TNFRSF8: variants seen among roughly 807,000 people sequenced by gnomAD.
The protein encoded by TNFRSF8 is TNF receptor superfamily member 8.
TNFRSF8 carries 26 observed loss-of-function variants against 70.8 expected under a neutral mutation model. The observed-to-expected ratio is 0.37, with a 90% CI of 0.27 to 0.51. The LOEUF (loss-of-function observed/expected upper bound fraction) is 0.51, where lower values mean the gene tolerates loss of function less well. Ranked by LOEUF, TNFRSF8 falls within the 20% of genes least tolerant of loss-of-function variation. The probability of loss-of-function intolerance (pLI) is 0.94; values close to 1 mark genes in which losing one functional copy is unlikely to be tolerated. For missense variants in TNFRSF8, 720 were observed against 807.9 expected (o/e 0.89, Z 1.32); for synonymous variants, 356 against 339.2 (o/e 1.05, Z -0.54).
intron 14 of TNFRSF8, among the ~76,000 whole-genome samples, chr1:12,140,407 CA>C: frequency 6.6e-6 from 1 of 152,314 alleles, no homozygotes; most frequent in South Asian, 2.1e-4. Context: ...GGGAACCAGG[CA>C]AGGGAAGAAC....
chr1:12,079,049 C>T (rs931781365), intron 1 of TNFRSF8, among the ~76,000 whole-genome samples: 2 of 152,182 alleles, frequency 1.3e-5, no homozygotes, highest in Non-Finnish European at 2.9e-5. Context: ...GTGCTTACCT[C>T]GCTGGCCCTG....
chr1:12,063,537 G>A lies in TNFRSF8; in HGVS notation c.-62G>A. ...CGCCGGGACCGCACGTGGGCGCCGC[G>A]CGCTTCCCCCGCTTCCCAGGTGGGC... On this transcript the variant is annotated 5_prime_UTR_variant, in exon 1 of 15. Transcript: ENST00000263932. The surrounding 1 kb of genome is among the most constrained non-coding windows in gnomAD (Gnocchi z 7.2). 2 of 1,283,880 alleles carry A rather than the reference G, an allele frequency of 1.6e-6. No homozygotes were observed. The highest frequency in any genetic ancestry group is 2.3e-5 in the South Asian group (1 of 42,756). 79.5% of individuals were successfully genotyped at this position (1,283,880 alleles called of 1,614,324 possible). A position where few individuals can be genotyped will look rare whatever the true frequency, so the allele number is the denominator to read the frequency against.
chr1:12,133,603 G>A (rs1642091511), intron 12 of TNFRSF8, among the ~76,000 whole-genome samples: 1 of 151,770 alleles, frequency 6.6e-6, no homozygotes, highest in Non-Finnish European at 1.5e-5. Context: ...AGCTGAGCAT[G>A]GTGGTGCGTG....
Position 12,110,244 on chromosome 1 carries a change from G to C in TNFRSF8, c.676+40G>C. The C allele has an allele frequency of 6.5e-7, 1 of 1,530,818 alleles. No homozygotes were observed. The allele number at this position is 1,530,818 out of a possible 1,614,324, so 94.8% of individuals were successfully genotyped here. ...AAGCTGTGGGTCGTCTCCCTGGGGT[G>C]CTCGATTGGTGGATGGCCCATGAGT... On this transcript the variant is annotated intron_variant, in intron 6 of 14. Coordinates refer to ENST00000263932, the MANE Select transcript of TNFRSF8 (RefSeq NM_001243.5). The surrounding 1 kb of genome is among the most constrained non-coding windows in gnomAD (Gnocchi z 4.0).
At chr1:12,124,882 C>A (rs558423801) in intron 10 of TNFRSF8, among the ~76,000 whole-genome samples, 14 of 127,944 alleles carry the variant, frequency 1.1e-4, no homozygotes, top group East Asian at 4.4e-4. Context: ...ACAAAACAAA[C>A]AAAACCCCCA....
In TNFRSF8 at chr1:12,088,813, T is replaced by G. The variant is rs904524291; in HGVS notation, c.151+4262T>G. Among the ~76,000 whole-genome samples the G allele has an allele frequency of 2.6e-5, 4 of 152,228 alleles. No individual in the cohort carries two copies. The highest frequency in any genetic ancestry group is 5.9e-5 in the Non-Finnish European group (4 of 68,040). On this transcript the variant is annotated intron_variant, in intron 2 of 14. Coordinates refer to ENST00000263932, the MANE Select transcript of TNFRSF8 (RefSeq NM_001243.5). This position sits in a 1 kb window ranked among gnomAD's most constrained non-coding sequence, Gnocchi z 4.0. ...GGGTTCCCCCAGCTTCCGCTGCCCT[T>G]GGGTAAAGCTCAGCTTTGTGCATGG...
At position 12,138,480 on chromosome 1, in the gene TNFRSF8, G is replaced by T; in HGVS notation, c.1543+44G>T. 1 of 1,559,692 alleles carries T rather than the reference G, an allele frequency of 6.4e-7. No homozygotes were observed. Among genetic ancestry groups the T allele is most frequent in the South Asian group, 1.2e-5 (1 of 85,238 alleles). On this transcript the variant is annotated intron_variant, in intron 14 of 14. Transcript: ENST00000263932. This position sits in a 1 kb window ranked among gnomAD's most constrained non-coding sequence, Gnocchi z 5.7. ...GGAGGTCCCCTGCAGCCCAGGGGCAGATGGGAGATGAATACGGGGCCCTGG... is the reference window on the plus strand; with the variant it reads ...GGAGGTCCCCTGCAGCCCAGGGGCATATGGGAGATGAATACGGGGCCCTGG...
Position 12,142,397 on chromosome 1 carries a change from C to T in TNFRSF8, c.1654C>T (p.Leu552=), listed in dbSNP as rs373121136. The T allele has an allele frequency of 6.2e-7, 1 of 1,612,482 alleles. No homozygotes were observed. The highest frequency in any genetic ancestry group is 1.1e-5 in the South Asian group (1 of 90,844). ...AGCAGAGCCCGAGTTGGAGGAGGAG[C>T]TGGAGGCGGACCATACCCCCCACTA... The part of the protein sequence containing the change: ...GPAEPELEEE[L]EADHTPHYPE... The change falls in exon 15 of 15, where the codon CTG becomes TTG. Residue 552 remains leucine, a synonymous_variant. Coordinates refer to ENST00000263932, the MANE Select transcript of TNFRSF8 (RefSeq NM_001243.5). This position sits in a 1 kb window ranked among gnomAD's most constrained non-coding sequence, Gnocchi z 5.0.
intron 2 of TNFRSF8, 148 bp downstream of exon 2, chr1:12,084,699 G>A (rs1179967870): frequency 8.1e-6 from 6 of 736,544 alleles, no homozygotes; most frequent in African/African-American, 3.5e-5. Context: ...CTAGTGTCGC[G>A]GAGTCCAAGG....
At chr1:12,073,588 T>G (rs962719460) in intron 1 of TNFRSF8, among the ~76,000 whole-genome samples, 2 of 149,622 alleles carry the variant, frequency 1.3e-5, no homozygotes, top group African/African-American at 5.0e-5. Flanking sequence ...CCCTTTTTCT[T>G]TTTCTTTTTT....
At chr1:12,071,666 T>G (rs1640849300) in intron 1 of TNFRSF8, among the ~76,000 whole-genome samples, 2 of 151,536 alleles carry the variant, frequency 1.3e-5, no homozygotes, top group Admixed American at 1.3e-4. Flanking sequence ...TGGGTTCAAG[T>G]GATTCTCCTG....
rs1258260697 is a variant in TNFRSF8 at position 12,113,546 on chromosome 1, TGA to T, written c.793+1541_793+1542del. Among the ~76,000 whole-genome samples, 2 of 111,904 alleles carry T rather than the reference TGA, an allele frequency of 1.8e-5. No homozygotes were observed. Among genetic ancestry groups the T allele is most frequent in the Non-Finnish European group, 3.8e-5 (2 of 52,118 alleles). 73.4% of individuals were successfully genotyped at this position (111,904 alleles called of 152,430 possible). A position where few individuals can be genotyped will look rare whatever the true frequency, so the allele number is the denominator to read the frequency against. ...GAGACAGAAAGAGGGAGAGAAAGAG[TGA>T]GAGAGAGAAAGAGAGAGACAGAGAG... On this transcript the variant is annotated intron_variant, in intron 7 of 14. Transcript: ENST00000263932. The surrounding 1 kb of genome is among the most constrained non-coding windows in gnomAD (Gnocchi z 4.9).
At chr1:12,120,319 C>A (rs1293355672) in intron 8 of TNFRSF8, among the ~76,000 whole-genome samples, 2 of 152,020 alleles carry the variant, frequency 1.3e-5, no homozygotes, top group Non-Finnish European at 2.9e-5. Flanking sequence ...CAGATCAGAG[C>A]AGGAAAATGG....
chr1:12,132,689 T>A (rs1330712943), intron 12 of TNFRSF8, among the ~76,000 whole-genome samples: 1 of 151,788 alleles, frequency 6.6e-6, no homozygotes, highest in African/African-American at 2.4e-5. Context: ...AATACAAAAA[T>A]TAGCCGGGTG....
intron 2 of TNFRSF8, among the ~76,000 whole-genome samples, chr1:12,085,146 T>G (rs1213366355): frequency 1.3e-5 from 2 of 152,282 alleles, no homozygotes; most frequent in East Asian, 3.9e-4. Flanking sequence ...GTTTTGCTCT[T>G]GTTGCCCAGG....
chr1:12,132,663 C>A (rs900890317), intron 12 of TNFRSF8, among the ~76,000 whole-genome samples: 1 of 151,982 alleles, frequency 6.6e-6, no homozygotes, highest in African/African-American at 2.4e-5. Flanking sequence ...CATGGTGAAA[C>A]CCTGTCTCTA....
chr1:12,135,618 G>A lies in TNFRSF8; in HGVS notation c.1335+5G>A. On this transcript the variant is annotated splice_donor_5th_base_variant and intron_variant, in intron 13 of 14. Transcript: ENST00000263932. ...AGACCCAGGAGGAGCTCAACGGTAA[G>A]TACCCCTCCCTTGCCCCCACCTCAG... 1 of 1,614,102 alleles carries A rather than the reference G, an allele frequency of 6.2e-7. No individual in the cohort carries two copies. Among genetic ancestry groups the A allele is most frequent in the Admixed American group, 1.7e-5 (1 of 60,012 alleles).
At chr1:12,132,317 C>G (rs1487829975) in intron 12 of TNFRSF8, among the ~76,000 whole-genome samples, 4 of 152,266 alleles carry the variant, frequency 2.6e-5, no homozygotes, top group African/African-American at 7.2e-5. Flanking sequence ...CCAGGAGCCA[C>G]GTCACATTCA....
chr1:12,123,385 C>A lies in TNFRSF8; in HGVS notation c.1040+8C>A, dbSNP rs1204482925. The stretch of plus-strand genomic sequence containing the variant: ...TGGCGAGGCGCCTGCCAGGTGACTC[C>A]CCCACCCCTTCTCTCTGTTTGGCTG... On this transcript the variant is annotated splice_region_variant and intron_variant, in intron 9 of 14. Coordinates refer to ENST00000263932, the MANE Select transcript of TNFRSF8 (RefSeq NM_001243.5). The A allele has an allele frequency of 6.2e-7, 1 of 1,601,220 alleles. No homozygotes were observed. Among genetic ancestry groups the A allele is most frequent in the Admixed American group, 1.7e-5 (1 of 58,748 alleles).
Sources: allele counts gnomAD v4.1 joint callset (sites outside exome capture counted in the v4.1 genomes callset), GRCh38; gene constraint gnomAD v4.1.1; non-coding constraint Gnocchi (gnomAD v3.1); transcripts MANE v1.5; gene names NCBI Gene and HGNC (gene_info 2026-07-23, HGNC 2026-07-21).